Variants in CLDN20 observed in about 807,000 individuals in gnomAD.
CLDN20 encodes claudin 20.
For synonymous variants in CLDN20, 104 were observed against 103.6 expected, an observed-to-expected ratio of 1.00 and a Z score of -0.03; for missense variants, 258 against 267.9, an observed-to-expected ratio of 0.96 and a Z score of 0.26.
At chr6:155,270,957 G>A (rs2114698475) in intron 1 of CLDN20, among the ~76,000 whole-genome samples, 1 of 152,290 alleles carries the variant, frequency 6.6e-6, no homozygotes, top group South Asian at 2.1e-4. Flanking sequence ...AGCTTACAAC[G>A]ACTTAGAGAG....
rs1300569662 is a variant in CLDN20 at position 155,265,745 on chromosome 6, A to T, written c.-105+1457A>T. 6.9e-5 allele frequency among the ~76,000 whole-genome samples: 10 copies of T among 145,776 alleles called. No individual in the cohort carries two copies. The South Asian group carries it at 1.1e-3, about 15-fold the overall frequency. On this transcript the variant is annotated intron_variant, in intron 1 of 1. Coordinates refer to ENST00000367165, the MANE Select transcript of CLDN20 (RefSeq NM_001001346.3). Reference sequence around the variant, plus strand: ...TATAATATAAATATATATTATATATAATATATAATATATATTTAATATATA... The same window carrying T: ...TATAATATAAATATATATTATATATTATATATAATATATATTTAATATATA...
At chr6:155,266,969 C>A (rs1260526492) in intron 1 of CLDN20, among the ~76,000 whole-genome samples, 1 of 132,250 alleles carries the variant, frequency 7.6e-6, no homozygotes, top group East Asian at 2.6e-4. Flanking sequence ...TACTTTGCTG[C>A]CTTTTTTTTT....
At chr6:155,271,119 G>T (rs566730379) in intron 1 of CLDN20, among the ~76,000 whole-genome samples, 20 of 152,264 alleles carry the variant, frequency 1.3e-4, no homozygotes, top group Admixed American at 7.2e-4. Context: ...ACATGTGTTT[G>T]TTTATTTACT....
chr6:155,271,687 T>C (rs562165777), intron 1 of CLDN20, among the ~76,000 whole-genome samples: 11 of 152,352 alleles, frequency 7.2e-5, no homozygotes, highest in Non-Finnish European at 1.5e-4. Context: ...ACGACATTGT[T>C]AAAAATATTT....
intron 1 of CLDN20, among the ~76,000 whole-genome samples, chr6:155,274,644 T>C (rs1785086120): frequency 6.6e-6 from 1 of 152,228 alleles, no homozygotes; most frequent in Admixed American, 6.5e-5. Context: ...ACCAGGCACC[T>C]GAAGTAAAAC....
chr6:155,275,199 C>T (rs1158488801), intron 1 of CLDN20, among the ~76,000 whole-genome samples: 1 of 151,954 alleles, frequency 6.6e-6, no homozygotes, highest in Non-Finnish European at 1.5e-5. Context: ...GCACTCCAGC[C>T]TGGGTGACAG....
At chr6:155,273,772 T>G (rs1376439653) in intron 1 of CLDN20, among the ~76,000 whole-genome samples, 1 of 152,184 alleles carries the variant, frequency 6.6e-6, no homozygotes, top group Non-Finnish European at 1.5e-5. Flanking sequence ...TGCTGAAGAC[T>G]GTATGACATG....
chr6:155,275,348 C>A (rs974455190), intron 1 of CLDN20, among the ~76,000 whole-genome samples: 1 of 152,196 alleles, frequency 6.6e-6, no homozygotes. Flanking sequence ...CATGTCCACG[C>A]TACAGTTTCA....
chr6:155,274,447 T>G (rs1422640334), intron 1 of CLDN20, among the ~76,000 whole-genome samples: 1 of 152,260 alleles, frequency 6.6e-6, no homozygotes, highest in Non-Finnish European at 1.5e-5. Context: ...TTAATTTATT[T>G]CTGGTATCCT....
intron 1 of CLDN20, among the ~76,000 whole-genome samples, chr6:155,266,763 C>T (rs1395028536): frequency 2.9e-5 from 4 of 137,820 alleles, no homozygotes; most frequent in Admixed American, 1.6e-4. Flanking sequence ...AGGAGAATGG[C>T]GTGAGCCTGG....
intron 1 of CLDN20, among the ~76,000 whole-genome samples, chr6:155,273,748 C>A (rs765726324): frequency 6.6e-6 from 1 of 152,084 alleles, no homozygotes. Flanking sequence ...GAGATCTGGA[C>A]GCTGCAGGTT....
intron 1 of CLDN20, among the ~76,000 whole-genome samples, chr6:155,271,799 A>G (rs1023449297): frequency 6.6e-6 from 1 of 152,238 alleles, no homozygotes; most frequent in Admixed American, 6.5e-5. Flanking sequence ...AAAACATTAT[A>G]TTAAAAGAAA....
chr6:155,269,613 C>T (rs992476556), intron 1 of CLDN20, among the ~76,000 whole-genome samples: 7 of 152,142 alleles, frequency 4.6e-5, no homozygotes, highest in Non-Finnish European at 8.8e-5. Context: ...TGAGCCACCA[C>T]GCCCGGCCAG....
chr6:155,269,031 T>C (rs1412084116), intron 1 of CLDN20, among the ~76,000 whole-genome samples: 1 of 144,596 alleles, frequency 6.9e-6, no homozygotes, highest in Admixed American at 6.8e-5. Context: ...AGAAGAAAGA[T>C]GGACTGCAAT....
Position 155,275,910 on chromosome 6 carries a change from G to C in CLDN20, c.191G>C (p.Cys64Ser). The C allele has an allele frequency of 6.2e-7, 1 of 1,614,136 alleles. No homozygotes were observed. The highest frequency in any genetic ancestry group is 8.5e-7 in the Non-Finnish European group (1 of 1,180,026). Residue 64 changes from cysteine (C) to serine (S), a missense_variant, in exon 2 of 2, where the codon TGT (cysteine) becomes TCT (serine). Physicochemically the swap from Cys to Ser is moderately radical, Grantham distance 112 (BLOSUM62 -1). Coordinates refer to ENST00000367165, the MANE Select transcript of CLDN20 (RefSeq NM_001001346.3). ...TGGTACAGCACTGGGATGTTCAGCT[G>C]TGCCCTGAAACACTCCATTCTGTCC... ...CTWYSTGMFS[C>S]ALKHSILSLP...
chr6:155,266,744 G>C (rs1784651378), intron 1 of CLDN20, among the ~76,000 whole-genome samples: 1 of 151,596 alleles, frequency 6.6e-6, no homozygotes, highest in African/African-American at 2.4e-5. Flanking sequence ...CTACTTGGGA[G>C]GCTGAGGCAG....
chr6:155,273,552 C>T (rs1351823780), intron 1 of CLDN20, among the ~76,000 whole-genome samples: 1 of 152,184 alleles, frequency 6.6e-6, no homozygotes, highest in Non-Finnish European at 1.5e-5. Flanking sequence ...CTCTACAGTC[C>T]TTTTTTTCCT....
In CLDN20 at chr6:155,275,614, A is replaced by G; in HGVS notation, c.-104-2A>G. The G allele has an allele frequency of 8.5e-7, 1 of 1,178,376 alleles. No homozygotes were observed. Among genetic ancestry groups the G allele is most frequent in the South Asian group, 1.5e-5 (1 of 65,740 alleles). The allele number at this position is 1,178,376 out of a possible 1,614,324, so 73.0% of individuals were successfully genotyped here. ...AATCCTGGTTTTGCCTTTTTTCCTT[A>G]GGCTTTGTTATTTGGTTCTCTACTG... On this transcript the variant is annotated splice_acceptor_variant, in intron 1 of 1. Coordinates refer to ENST00000367165, the MANE Select transcript of CLDN20 (RefSeq NM_001001346.3). LOFTEE classifies it low-confidence loss of function (5UTR_SPLICE).
At position 155,275,952 on chromosome 6, in the gene CLDN20, A is replaced by T; in HGVS notation, c.233A>T (p.Gln78Leu). 1.9e-6 allele frequency: 3 copies of T among 1,614,206 alleles called. No homozygotes were observed. Among genetic ancestry groups the T allele is most frequent in the Non-Finnish European group, 1.7e-6 (2 of 1,180,050 alleles). Residue 78 changes from glutamine (Q) to leucine (L), a missense_variant, in exon 2 of 2, where the codon CAG (glutamine) becomes CTG (leucine). Physicochemically the swap from Gln to Leu is moderately radical, Grantham distance 113 (BLOSUM62 -2). Coordinates refer to ENST00000367165, the MANE Select transcript of CLDN20 (RefSeq NM_001001346.3). ...HSILSLPIHV[Q>L]AARATMVLAC... ...ATTCTGTCCCTCCCCATCCACGTGCAGGCTGCGAGAGCCACCATGGTCCTG... is the reference window on the plus strand; with the variant it reads ...ATTCTGTCCCTCCCCATCCACGTGCTGGCTGCGAGAGCCACCATGGTCCTG...
Sources: gnomAD v4.1 joint callset for allele counts (sites outside exome capture counted in the v4.1 genomes callset) on GRCh38, gnomAD v4.1.1 for gene constraint, MANE v1.5 for transcripts, NCBI Gene and HGNC (gene_info 2026-07-23, HGNC 2026-07-21) for gene names.